KSR2: variants seen among roughly 807,000 people sequenced by gnomAD.
The protein encoded by KSR2 is kinase suppressor of ras 2.
A neutral mutation model predicts 107.8 loss-of-function variants in KSR2; 25 were observed. The observed-to-expected ratio is 0.23, with a 90% CI of 0.17 to 0.32. KSR2 has a LOEUF of 0.32. Ranked by LOEUF, KSR2 falls within the 10% of genes least tolerant of loss-of-function variation. KSR2 has a pLI of 1.00. For missense variants in KSR2, 887 were observed against 1,268.9 expected (o/e 0.70, Z 4.57); for synonymous variants, 480 against 507.0 (o/e 0.95, Z 0.71).
At chr12:117,543,720 T>C (rs1190433657) in intron 9 of KSR2, among the ~76,000 whole-genome samples, 5 of 152,186 alleles carry the variant, frequency 3.3e-5, no homozygotes, top group Non-Finnish European at 5.9e-5. Flanking sequence ...CAAAGTACCA[T>C]AAACTGAGTG....
intron 3 of KSR2, among the ~76,000 whole-genome samples, chr12:117,801,302 T>C (rs1008697865): frequency 2.1e-5 from 3 of 145,580 alleles, no homozygotes; most frequent in Non-Finnish European, 4.5e-5. Context: ...TTTTTTTTTG[T>C]ATTTTTAGTA....
rs559152895 is a variant in KSR2 at position 117,557,119 on chromosome 12, C to T, written c.1393+1387G>A. On this transcript the variant is annotated intron_variant, in intron 8 of 19. Transcript: ENST00000339824. The stretch of plus-strand genomic sequence containing the variant: ...GGCAGAGGTTGCAGTGAGCTGAGAT[C>T]GCACCACTGCACTCCAGCCTGGGCG... Among the ~76,000 whole-genome samples the T allele has an allele frequency of 3.9e-5, 6 of 152,170 alleles. No homozygotes were observed. In the South Asian group the frequency reaches 1.0e-3, roughly 26 times the overall value.
intron 4 of KSR2, among the ~76,000 whole-genome samples, chr12:117,758,301 C>G (rs1481958979): frequency 6.6e-6 from 1 of 152,162 alleles, no homozygotes; most frequent in Non-Finnish European, 1.5e-5. Flanking sequence ...CACCTCTACC[C>G]ATGACCCCCG....
chr12:117,681,716 G>C (rs888365638), intron 4 of KSR2, among the ~76,000 whole-genome samples: 1 of 152,192 alleles, frequency 6.6e-6, no homozygotes, highest in Non-Finnish European at 1.5e-5. Flanking sequence ...TGTATAAGGT[G>C]TAAGGAAGGG....
intron 3 of KSR2, among the ~76,000 whole-genome samples, chr12:117,766,141 A>G (rs1889218027): frequency 6.6e-6 from 1 of 152,258 alleles, no homozygotes; most frequent in Non-Finnish European, 1.5e-5. Flanking sequence ...CAAAAGGTGG[A>G]AACAACCCAA....
In KSR2 at chr12:117,465,583, T is replaced by C. The variant is rs1250830392; in HGVS notation, c.*1616A>G. The C allele has an allele frequency of 6.6e-6, 1 of 152,182 alleles. No homozygotes were observed. Among genetic ancestry groups the C allele is most frequent in the African/African-American group, 2.4e-5 (1 of 41,416 alleles). The allele number at this position is 152,182 out of a possible 1,614,324, so 9.4% of individuals were successfully genotyped here. On this transcript the variant is annotated 3_prime_UTR_variant, in exon 20 of 20. Coordinates refer to ENST00000339824, the MANE Select transcript of KSR2 (RefSeq NM_173598.6). The stretch of plus-strand genomic sequence containing the variant: ...ACCCAAGGTGGGGAAGAGATCCTCA[T>C]AGGTCTATTTGGATTTTGAAAGTAA...
At chr12:117,496,544 C>T (rs1158161222) in intron 14 of KSR2, among the ~76,000 whole-genome samples, 1 of 152,194 alleles carries the variant, frequency 6.6e-6, no homozygotes, top group Non-Finnish European at 1.5e-5. Context: ...TCCTATTTAT[C>T]ACTTAATAGC....
At chr12:117,677,716 G>A (rs1218173367) in intron 4 of KSR2, among the ~76,000 whole-genome samples, 3 of 152,078 alleles carry the variant, frequency 2.0e-5, no homozygotes, top group Non-Finnish European at 2.9e-5. Context: ...TTATTCTAGC[G>A]GTGTCTGAAT....
chr12:117,859,672 G>T (rs532955057), intron 2 of KSR2, among the ~76,000 whole-genome samples: 2 of 151,846 alleles, frequency 1.3e-5, no homozygotes, highest in Non-Finnish European at 2.9e-5. Flanking sequence ...GCCCAGGCTG[G>T]TCCCAAACTC....
intron 1 of KSR2, among the ~76,000 whole-genome samples, chr12:117,880,298 C>A (rs868071156): frequency 6.6e-6 from 1 of 152,178 alleles, no homozygotes; most frequent in Non-Finnish European, 1.5e-5. Flanking sequence ...AATTCAGTTC[C>A]TTGATCACAC....
chr12:117,640,713 A>G (rs1310786494), intron 5 of KSR2, among the ~76,000 whole-genome samples: 4 of 152,122 alleles, frequency 2.6e-5, no homozygotes, highest in Non-Finnish European at 5.9e-5. Flanking sequence ...GCCCCCGTGG[A>G]CAGCACGTCC....
chr12:117,471,447 A>C, intron 17 of KSR2, 127 bp from the exon 18 acceptor site: 6 of 998,996 alleles, frequency 6.0e-6, no homozygotes, highest in Non-Finnish European at 8.7e-6. Flanking sequence ...TTTCTTCCTC[A>C]TGGGGTTGGT....
At chr12:117,799,289 G>A (rs1890745485) in intron 3 of KSR2, among the ~76,000 whole-genome samples, 1 of 152,136 alleles carries the variant, frequency 6.6e-6, no homozygotes, top group Non-Finnish European at 1.5e-5. Context: ...ATCAACTGAG[G>A]TCAGGAGTTC....
intron 1 of KSR2, among the ~76,000 whole-genome samples, chr12:117,873,576 T>C (rs1392706347): frequency 6.7e-6 from 1 of 149,812 alleles, no homozygotes; most frequent in East Asian, 2.1e-4. Flanking sequence ...TTCTCGTGCC[T>C]CAGCCTCCCC....
intron 4 of KSR2, among the ~76,000 whole-genome samples, chr12:117,680,361 C>T (rs1462309228): frequency 6.6e-6 from 1 of 152,212 alleles, no homozygotes; most frequent in Non-Finnish European, 1.5e-5. Context: ...CCATTACATC[C>T]ATGATTTAAA....
At chr12:117,690,209 T>A (rs1191099256) in intron 4 of KSR2, among the ~76,000 whole-genome samples, 1 of 152,112 alleles carries the variant, frequency 6.6e-6, no homozygotes, top group African/African-American at 2.4e-5. Context: ...CACCATTATG[T>A]CCCCAGTCTA....
intron 5 of KSR2, among the ~76,000 whole-genome samples, 165 bp downstream of exon 5, chr12:117,667,309 T>TG (rs1198093352): frequency 5.9e-5 from 9 of 152,080 alleles, no homozygotes; most frequent in East Asian, 1.9e-4. Context: ...CATAGGCAGA[T>TG]GGGGGGGCTG....
Position 117,453,222 on chromosome 12 carries a change from T to C in KSR2, c.*13977A>G, listed in dbSNP as rs1870423089. On this transcript the variant is annotated 3_prime_UTR_variant, in exon 20 of 20. Transcript: ENST00000339824. Reference sequence around the variant, plus strand: ...AAGTGTAGAAAACTTTATAAATGATTCTGTACAAATATACACAGTGGACCC... The same window carrying C: ...AAGTGTAGAAAACTTTATAAATGATCCTGTACAAATATACACAGTGGACCC... 1 of 152,330 alleles carries C rather than the reference T, an allele frequency of 6.6e-6. No individual in the cohort carries two copies. Among genetic ancestry groups the C allele is most frequent in the Admixed American group, 6.6e-5 (1 of 15,266 alleles). The allele number at this position is 152,330 out of a possible 1,614,324, so 9.4% of individuals were successfully genotyped here.
chr12:117,689,225 C>T (rs1885716980), intron 4 of KSR2, among the ~76,000 whole-genome samples: 1 of 152,110 alleles, frequency 6.6e-6, no homozygotes, highest in African/African-American at 2.4e-5. Flanking sequence ...CTTCACAAAT[C>T]AATGTATCTT....
Sources: gnomAD v4.1 joint callset for allele counts (sites outside exome capture counted in the v4.1 genomes callset) on GRCh38, gnomAD v4.1.1 for gene constraint, MANE v1.5 for transcripts, NCBI Gene and HGNC (gene_info 2026-07-23, HGNC 2026-07-21) for gene names.